Variants in ZNF536 observed in about 807,000 individuals in gnomAD.
ZNF536 encodes zinc finger protein 536.
In ZNF536, 13 loss-of-function variants were observed where a neutral mutation model predicts 84.5. That is an observed-to-expected ratio of 0.15 (90% CI 0.10 to 0.24). The LOEUF (loss-of-function observed/expected upper bound fraction) is 0.24. ZNF536 is among the 10% of genes least tolerant of loss of function. The probability of loss-of-function intolerance (pLI) is 1.00; values close to 1 mark genes in which losing one functional copy is unlikely to be tolerated. For synonymous variants in ZNF536, 811 were observed against 742.5 expected, an observed-to-expected ratio of 1.09 and a Z score of -1.50; for missense variants, 1,536 against 1,747.5, an observed-to-expected ratio of 0.88 and a Z score of 2.16.
chr19:30,693,607 T>G (rs1398552357), intron 1 of ZNF536, among the ~76,000 whole-genome samples: 1 of 151,988 alleles, frequency 6.6e-6, no homozygotes, highest in Non-Finnish European at 1.5e-5. Context: ...GAAAGACACC[T>G]CTCTTCTGTG....
chr19:30,346,067 A>G lies in ZNF536; in HGVS notation c.-119-6301A>G, dbSNP rs552822654. ...TCTTCCATGCCACTATGATGCTGCC[A>G]CAGTGTTACAGATTCACTGCCATCG... On this transcript the variant is annotated intron_variant, in intron 2 of 5. Transcript: ENST00000585628. 3.3e-5 allele frequency among the ~76,000 whole-genome samples: 5 copies of G among 152,292 alleles called. No homozygotes were observed. The South Asian group carries it at 1.0e-3, about 32-fold the overall frequency.
chr19:30,537,258 G>T (rs2045123744), intron 3 of ZNF536, among the ~76,000 whole-genome samples: 1 of 152,190 alleles, frequency 6.6e-6, no homozygotes, highest in East Asian at 1.9e-4. Flanking sequence ...TTTCTCAGAT[G>T]ATGCCAATGT....
intron 1 of ZNF536, among the ~76,000 whole-genome samples, chr19:30,686,949 C>G (rs2051212115): frequency 2.0e-5 from 3 of 152,184 alleles, no homozygotes; most frequent in South Asian, 4.1e-4. Flanking sequence ...ATTAATGGAA[C>G]TTATTTGGAG....
chr19:30,488,664 A>T lies in ZNF536; in HGVS notation c.2170+42932A>T, dbSNP rs148884633. Among the ~76,000 whole-genome samples, 19 of 152,146 alleles carry T rather than the reference A, an allele frequency of 1.2e-4. No homozygotes were observed. In the East Asian group the frequency reaches 3.7e-3, roughly 29 times the overall value. ...CATTAACTCTTCCCCATTCGCTAAA[A>T]GGAAAGCAAGCCAGGGGCAGAGGGC... On this transcript the variant is annotated intron_variant, in intron 2 of 4. Coordinates refer to ENST00000355537, the MANE Select transcript of ZNF536 (RefSeq NM_014717.3).
At chr19:30,608,264 G>T (rs2147007588) in intron 1 of ZNF536, among the ~76,000 whole-genome samples, 1 of 152,244 alleles carries the variant, frequency 6.6e-6, no homozygotes, top group Middle Eastern at 3.4e-3. Context: ...CAGAAGAAAT[G>T]GATTTCTACT....
At chr19:30,501,819 G>T (rs1322144550) in intron 2 of ZNF536, among the ~76,000 whole-genome samples, 1 of 152,144 alleles carries the variant, frequency 6.6e-6, no homozygotes, top group Non-Finnish European at 1.5e-5. Flanking sequence ...GCAATTTTTT[G>T]AATTTTTGCA....
At chr19:30,503,934 G>T (rs2055053074) in intron 2 of ZNF536, among the ~76,000 whole-genome samples, 1 of 148,270 alleles carries the variant, frequency 6.7e-6, no homozygotes, top group African/African-American at 2.5e-5. Flanking sequence ...TTTTTTTAAT[G>T]AACGCGTTAT....
chr19:30,449,787 C>T (rs1049812286), intron 2 of ZNF536, among the ~76,000 whole-genome samples: 16 of 152,162 alleles, frequency 1.1e-4, no homozygotes, highest in African/African-American at 7.2e-5. Context: ...AAAAGCCTTG[C>T]GAGGTCTTCT....
At chr19:30,340,892 G>A (rs964185925) in intron 2 of ZNF536, among the ~76,000 whole-genome samples, 5 of 152,118 alleles carry the variant, frequency 3.3e-5, no homozygotes, top group African/African-American at 4.8e-5. Flanking sequence ...AACAGGCATC[G>A]TGTGTGTGTT....
chr19:30,301,609 A>G (rs2046186916), intron 2 of ZNF536, among the ~76,000 whole-genome samples: 1 of 152,194 alleles, frequency 6.6e-6, no homozygotes, highest in Admixed American at 6.5e-5. Flanking sequence ...CTCAGCCCTA[A>G]CTGGTGGTCC....
chr19:30,368,826 C>G (rs1330961483), upstream of ZNF536, among the ~76,000 whole-genome samples: 1 of 152,214 alleles, frequency 6.6e-6, no homozygotes, highest in Non-Finnish European at 1.5e-5. Flanking sequence ...GAGTCTTCAG[C>G]TGCTCCGCTT....
chr19:30,439,955 C>CTTTTTTTTTTTTTTTTTTTTTTT (rs1369505835), intron 1 of ZNF536, among the ~76,000 whole-genome samples: 3 of 133,042 alleles, frequency 2.3e-5, no homozygotes, highest in East Asian at 4.9e-4. Context: ...CTTTTTCTTT[C>CTTTTTTTTTTTTTTTTTTTTTTT]TTTCTTTTTT....
intron 1 of ZNF536, chr19:30,436,557 G>C (rs1436576715): frequency 1.0e-6 from 1 of 962,878 alleles, no homozygotes; most frequent in Admixed American, 6.2e-5. Flanking sequence ...TTGTAATAAT[G>C]TTTACAGCTG....
intron 2 of ZNF536, among the ~76,000 whole-genome samples, chr19:30,484,916 G>A (rs1162998247): frequency 1.3e-5 from 2 of 151,958 alleles, no homozygotes; most frequent in Admixed American, 1.3e-4. Flanking sequence ...GGCCGAGGAG[G>A]GTGGATCACC....
At chr19:30,240,266 G>C (rs1229713597) in intron 1 of ZNF536, among the ~76,000 whole-genome samples, 2 of 152,108 alleles carry the variant, frequency 1.3e-5, no homozygotes, top group African/African-American at 4.8e-5. Flanking sequence ...CCAGCTACTT[G>C]GGAGGCTGGG....
At chr19:30,650,147 G>A (rs1181897045) in intron 1 of ZNF536, among the ~76,000 whole-genome samples, 1 of 152,240 alleles carries the variant, frequency 6.6e-6, no homozygotes, top group African/African-American at 2.4e-5. Flanking sequence ...GCAAATTAAT[G>A]TTTTCATTGT....
At chr19:30,405,970 A>T (rs1318602470) in intron 1 of ZNF536, among the ~76,000 whole-genome samples, 1 of 152,012 alleles carries the variant, frequency 6.6e-6, no homozygotes, top group Non-Finnish European at 1.5e-5. Flanking sequence ...TAGAGACGGG[A>T]TTTACCATGT....
rs116058943 is a variant in ZNF536 at position 30,264,301 on chromosome 19, G to C, written c.-189-19771G>C. On this transcript the variant is annotated intron_variant, in intron 1 of 5. Transcript: ENST00000585628. ...GAAGGGAAGAGGGAACTCCAGGCTA[G>C]AGGAGCCGGGTAGCTGGGAGACAAT... 3.7e-3 allele frequency among the ~76,000 whole-genome samples: 571 copies of C among 152,272 alleles called. 3 individuals are homozygous for C. Among genetic ancestry groups the C allele is most frequent in the African/African-American group, 0.013 (543 of 41,566 alleles).
At chr19:30,494,245 C>A (rs575671875) in intron 2 of ZNF536, among the ~76,000 whole-genome samples, 1 of 152,232 alleles carries the variant, frequency 6.6e-6, no homozygotes, top group Admixed American at 6.5e-5. Context: ...GACCGTAGGC[C>A]CCTGGGATGA....
Sources: allele counts gnomAD v4.1 joint callset (sites outside exome capture counted in the v4.1 genomes callset), GRCh38; gene constraint gnomAD v4.1.1; transcripts MANE v1.5; gene names NCBI Gene and HGNC (gene_info 2026-07-23, HGNC 2026-07-21).